Variants in DCBLD1 observed in about 807,000 individuals in gnomAD.
DCBLD1 encodes the protein discoidin, CUB and LCCL domain-containing protein 1.
A neutral mutation model predicts 71.5 loss-of-function variants in DCBLD1; 57 were observed. That is an observed-to-expected ratio of 0.80 (90% confidence interval 0.64 to 0.99). The LOEUF is 0.99. Among genes scored for constraint, DCBLD1 ranks in the 50% least tolerant of loss-of-function variants. The pLI is 0.00. For synonymous variants in DCBLD1, 380 were observed against 363.8 expected (o/e 1.04, Z -0.51); for missense variants, 891 against 923.5 (o/e 0.96, Z 0.46).
intron 1 of DCBLD1, among the ~76,000 whole-genome samples, chr6:117,501,998 A>C (rs1045142368): frequency 1.3e-5 from 2 of 151,866 alleles, no homozygotes; most frequent in Non-Finnish European, 2.9e-5. Flanking sequence ...CCCAAACCTG[A>C]GTCTGTTGAT....
At chr6:117,511,079 A>G (rs1778004637) in intron 2 of DCBLD1, among the ~76,000 whole-genome samples, 1 of 151,970 alleles carries the variant, frequency 6.6e-6, no homozygotes, top group Non-Finnish European at 1.5e-5. Flanking sequence ...CCCTGCTCAA[A>G]TGCCCAGAGG....
At chr6:117,514,733 T>A (rs1778133800) in intron 2 of DCBLD1, among the ~76,000 whole-genome samples, 1 of 152,160 alleles carries the variant, frequency 6.6e-6, no homozygotes, top group South Asian at 2.1e-4. Flanking sequence ...TAAAGGGGCA[T>A]GTGTTTACAT....
At chr6:117,535,830 T>A (rs1378858427) in intron 6 of DCBLD1, among the ~76,000 whole-genome samples, 1 of 152,190 alleles carries the variant, frequency 6.6e-6, no homozygotes, top group Non-Finnish European at 1.5e-5. Context: ...AATTTTAATA[T>A]GATTAGCGCC....
At chr6:117,482,992 G>C (rs573378621) in intron 1 of DCBLD1, 99 bp downstream of exon 1, 11 of 1,019,678 alleles carry the variant, frequency 1.1e-5, no homozygotes, top group Non-Finnish European at 1.3e-5. Context: ...TACGGGGCGG[G>C]CCGGGCCTGG....
At chr6:117,526,228 T>G (rs1778544012) in intron 5 of DCBLD1, among the ~76,000 whole-genome samples, 1 of 152,198 alleles carries the variant, frequency 6.6e-6, no homozygotes, top group Non-Finnish European at 1.5e-5. Flanking sequence ...CACATTCTGA[T>G]TCTGGGAACA....
intron 5 of DCBLD1, among the ~76,000 whole-genome samples, chr6:117,531,442 C>T (rs1291802341): frequency 6.6e-6 from 1 of 152,210 alleles, no homozygotes; most frequent in Non-Finnish European, 1.5e-5. Context: ...TCTGTAGCGC[C>T]ACTTCCTGAC....
At chr6:117,491,386 A>G (rs1383596805) in intron 1 of DCBLD1, among the ~76,000 whole-genome samples, 1 of 152,194 alleles carries the variant, frequency 6.6e-6, no homozygotes, top group African/African-American at 2.4e-5. Context: ...AGAGACTAAA[A>G]TAGGAGATGG....
intron 14 of DCBLD1, among the ~76,000 whole-genome samples, chr6:117,564,823 A>T (rs767334196): frequency 9.2e-5 from 14 of 152,220 alleles, no homozygotes; most frequent in Non-Finnish European, 1.9e-4. Context: ...ACATACTGCC[A>T]CAATAGTTTT....
At chr6:117,508,516 A>T (rs1004579373) in intron 2 of DCBLD1, among the ~76,000 whole-genome samples, 1 of 152,214 alleles carries the variant, frequency 6.6e-6, no homozygotes, top group Non-Finnish European at 1.5e-5. Context: ...AAGACTTTGC[A>T]TTCATACTAA....
rs1582951194 is a variant in DCBLD1 at position 117,482,845 on chromosome 6, T to A, written c.64T>A (p.Leu22Met). The A allele has an allele frequency of 8.5e-7, 1 of 1,180,646 alleles. No individual in the cohort carries two copies. Among genetic ancestry groups the A allele is most frequent in the East Asian group, 3.9e-5 (1 of 25,432 alleles). 73.1% of individuals were successfully genotyped at this position (1,180,646 alleles called of 1,614,324 possible). The part of the protein sequence containing the change: ...ARAAGRGLLA[L>M]LLAVSAPLRL... Reference sequence around the variant, plus strand: ...GGCTGCCGGGCGGGGCCTCCTGGCTTTGCTGCTCGCGGTCTCCGCCCCGCT... The same window carrying A: ...GGCTGCCGGGCGGGGCCTCCTGGCTATGCTGCTCGCGGTCTCCGCCCCGCT... The change falls in exon 1 of 15, where the codon TTG becomes ATG. Residue 22 changes from leucine (L) to methionine (M), a missense_variant. Coordinates refer to ENST00000338728, the MANE Select transcript of DCBLD1 (RefSeq NM_001366458.2).
intron 1 of DCBLD1, among the ~76,000 whole-genome samples, chr6:117,499,726 C>G (rs1272451800): frequency 6.6e-6 from 1 of 152,124 alleles, no homozygotes; most frequent in Non-Finnish European, 1.5e-5. Context: ...AGAAGATAAA[C>G]TGATAGATTT....
At chr6:117,540,882 A>G in intron 10 of DCBLD1, 36 bp from the exon 11 acceptor site, 2 of 1,613,782 alleles carry the variant, frequency 1.2e-6, no homozygotes, top group Non-Finnish European at 1.7e-6. Flanking sequence ...TATCATTGTT[A>G]CTCATGTGGT....
At chr6:117,483,138 C>G (rs1024342209) in intron 1 of DCBLD1, among the ~76,000 whole-genome samples, 3 of 152,176 alleles carry the variant, frequency 2.0e-5, no homozygotes, top group Non-Finnish European at 2.9e-5. Context: ...TCCCCCAAAA[C>G]CAGAGAATTA....
At chr6:117,484,415 C>G (rs1230258206) in intron 1 of DCBLD1, among the ~76,000 whole-genome samples, 1 of 152,204 alleles carries the variant, frequency 6.6e-6, no homozygotes, top group East Asian at 1.9e-4. Context: ...GTGGCACGAT[C>G]TCAGCTCACT....
intron 14 of DCBLD1, among the ~76,000 whole-genome samples, chr6:117,555,781 C>CT (rs1562131375): frequency 6.6e-6 from 1 of 152,128 alleles, no homozygotes; most frequent in African/African-American, 2.4e-5. Context: ...AACCGTGCAC[C>CT]TTTTAAGAAA....
chr6:117,547,535 A>G lies in DCBLD1; in HGVS notation c.1616-372A>G, dbSNP rs538796035. The G allele has an allele frequency of 8.9e-4, 454 of 509,766 alleles. 1 individual carries two copies. Among genetic ancestry groups the G allele is most frequent in the Non-Finnish European group, 1.4e-3 (355 of 253,198 alleles). 31.6% of individuals were successfully genotyped at this position (509,766 alleles called of 1,614,324 possible). A position where few individuals can be genotyped will look rare whatever the true frequency, so the allele number is the denominator to read the frequency against. Reference sequence around the variant, plus strand: ...ACTCTGTGTCCCTCATACTCTGGCCATATCAACTCTATTTTCGAGGCTGTT... The same window carrying G: ...ACTCTGTGTCCCTCATACTCTGGCCGTATCAACTCTATTTTCGAGGCTGTT... On this transcript the variant is annotated intron_variant, in intron 14 of 14. Coordinates refer to ENST00000338728, the MANE Select transcript of DCBLD1 (RefSeq NM_001366458.2).
chr6:117,529,079 T>A (rs1052704353), intron 5 of DCBLD1, among the ~76,000 whole-genome samples: 6 of 152,178 alleles, frequency 3.9e-5, no homozygotes, highest in African/African-American at 1.4e-4. Context: ...TGACCTTGTA[T>A]CCACCTGCCT....
At chr6:117,498,315 G>A (rs1234082228) in intron 1 of DCBLD1, among the ~76,000 whole-genome samples, 2 of 152,168 alleles carry the variant, frequency 1.3e-5, no homozygotes, top group Non-Finnish European at 2.9e-5. Flanking sequence ...GACCACCCTG[G>A]AAATATTCTA....
At chr6:117,542,312 AAAG>A (rs1225352986) in intron 11 of DCBLD1, among the ~76,000 whole-genome samples, 1 of 151,954 alleles carries the variant, frequency 6.6e-6, no homozygotes, top group Non-Finnish European at 1.5e-5. Context: ...AAAAAAAGAA[AAAG>A]AAGTAATAAT....
Sources: allele counts gnomAD v4.1 joint callset (sites outside exome capture counted in the v4.1 genomes callset), GRCh38; gene constraint gnomAD v4.1.1; transcripts MANE v1.5; gene names NCBI Gene and HGNC (gene_info 2026-07-23, HGNC 2026-07-21).